The following CORO7 variants were observed in gnomAD, a reference collection of about 807,000 sequenced individuals.
CORO7 encodes the protein coronin-7.
In CORO7, 107 loss-of-function variants were observed where a neutral mutation model predicts 126.6. The ratio of observed to expected loss-of-function variants is 0.85; its 90% CI spans 0.72 to 0.99. CORO7 has a LOEUF of 0.99. Among genes scored for constraint, CORO7 ranks in the 50% least tolerant of loss-of-function variants. The pLI is 0.00. For missense variants in CORO7, 1,314 were observed against 1,255.8 expected, an observed-to-expected ratio of 1.05 and a Z score of -0.70; for synonymous variants, 603 against 536.8, an observed-to-expected ratio of 1.12 and a Z score of -1.70.
At chr16:4,405,682 T>A in intron 5 of CORO7, 115 bp from the exon 6 acceptor site, 1 of 1,273,650 alleles carries the variant, frequency 7.9e-7, no homozygotes, top group Non-Finnish European at 1.1e-6. Context: ...ACGAGGGTCC[T>A]TTTCAGCCAA....
chr16:4,413,468 A>G (rs1418253587), intron 1 of CORO7, 64 bp from the exon 2 acceptor site: 17 of 1,465,186 alleles, frequency 1.2e-5, no homozygotes, highest in Non-Finnish European at 1.6e-5. Context: ...GCATGCCTAA[A>G]GCAAGAGGTG....
intron 2 of CORO7, 101 bp downstream of exon 2, chr16:4,413,207 A>T: frequency 7.9e-7 from 1 of 1,272,990 alleles, no homozygotes; most frequent in Non-Finnish European, 1.1e-6. Flanking sequence ...GTTCCGTTCC[A>T]AGTCTCCAAA....
intron 1 of CORO7, among the ~76,000 whole-genome samples, chr16:4,413,846 T>G (rs1196720427): frequency 1.3e-5 from 2 of 151,086 alleles, no homozygotes; most frequent in African/African-American, 4.9e-5. Context: ...CCGTGTTGTG[T>G]TACTTCAAAT....
At chr16:4,415,239 T>G (rs1028558240) in intron 1 of CORO7, among the ~76,000 whole-genome samples, 1 of 152,138 alleles carries the variant, frequency 6.6e-6, no homozygotes, top group African/African-American at 2.4e-5. Context: ...GCAGGACCAC[T>G]CTGGACTCAT....
rs58167321 is a variant in CORO7 at position 4,401,911 on chromosome 16, C to CTT, written c.564+3578_564+3579dup. On this transcript the variant is annotated intron_variant, in intron 6 of 27. Transcript: ENST00000251166. ...GAGCCCCCTATGGTTTCTTTTTTTCCTTTTTTTTTTTTTTTGAGGTTTTAG... is the reference window on the plus strand; with the variant it reads ...GAGCCCCCTATGGTTTCTTTTTTTCCTTTTTTTTTTTTTTTTTGAGGTTTTAG... 5.4e-3 allele frequency among the ~76,000 whole-genome samples: 761 copies of CTT among 139,870 alleles called. 3 individuals are homozygous for CTT. The highest frequency in any genetic ancestry group is 7.8e-3 in the Middle Eastern group (2 of 256). 91.8% of individuals were successfully genotyped at this position (139,870 alleles called of 152,430 possible).
chr16:4,388,121 CG>C (rs1208076654), intron 8 of CORO7, 53 bp from the exon 9 acceptor site: 2 of 1,566,572 alleles, frequency 1.3e-6, no homozygotes, highest in Non-Finnish European at 8.7e-7. Context: ...CAGCCCCACC[CG>C]GGGGGCTCCC....
At position 4,358,043 on chromosome 16, in the gene CORO7, T is replaced by C. The variant is rs753208669; in HGVS notation, c.2518A>G (p.Ser840Gly). Reference sequence around the variant, plus strand: ...GCGCCTTGCAGCCAGGCCTCGGCACTGAGCACAGGCTCCCAGATCACAGCC... The same window carrying C: ...GCGCCTTGCAGCCAGGCCTCGGCACCGAGCACAGGCTCCCAGATCACAGCC... ...DTAVIWEPVL[S>G]AEAWLQGANG... Residue 840 changes from serine (S) to glycine (G), a missense_variant, in exon 25 of 28, where the codon AGT becomes GGT. Ser to Gly is a moderately conservative substitution (Grantham distance 56). Transcript: ENST00000251166. The C allele has an allele frequency of 1.2e-6, 2 of 1,613,436 alleles. No homozygotes were observed. The highest frequency in any genetic ancestry group is 1.1e-5 in the South Asian group (1 of 91,086).
rs1027885261 is a variant in CORO7, at chr16:4,362,138, A to G, written c.1425T>C (p.His475=). Residue 475 remains histidine, a synonymous_variant, in exon 16 of 28, where the codon CAT becomes CAC. Transcript: ENST00000251166. The surrounding 1 kb of genome is among the most constrained non-coding windows in gnomAD (Gnocchi z 5.3). ...SLLGPSSKFR[H]AQGTVLHRDS... Reference sequence around the variant, plus strand: ...CTCGGTGCAGGACAGTGCCCTGAGCATGGCGGAACTTGGAACTGGGGCCTG... The same window carrying G: ...CTCGGTGCAGGACAGTGCCCTGAGCGTGGCGGAACTTGGAACTGGGGCCTG... 2 of 1,607,778 alleles carry G rather than the reference A, an allele frequency of 1.2e-6. No individual in the cohort carries two copies. Among genetic ancestry groups the G allele is most frequent in the East Asian group, 2.2e-5 (1 of 44,776 alleles).
In CORO7 at chr16:4,364,273, T is replaced by G; in HGVS notation, c.1275+3A>C. 6.5e-7 allele frequency: 1 copy of G among 1,531,130 alleles called. No individual in the cohort carries two copies. Among genetic ancestry groups the G allele is most frequent in the Non-Finnish European group, 8.8e-7 (1 of 1,142,086 alleles). 94.8% of individuals were successfully genotyped at this position (1,531,130 alleles called of 1,614,324 possible). A position where few individuals can be genotyped will look rare whatever the true frequency, so the allele number is the denominator to read the frequency against. The stretch of plus-strand genomic sequence containing the variant: ...GGAGGATGGGGGCGGCCCTGGTACT[T>G]ACGCTTGCGTCTGCATCACCCACGG... On this transcript the variant is annotated splice_donor_region_variant and intron_variant, in intron 14 of 27. Coordinates refer to ENST00000251166, the MANE Select transcript of CORO7 (RefSeq NM_024535.5).
chr16:4,391,052 C>A (rs2055369152), intron 7 of CORO7, among the ~76,000 whole-genome samples: 1 of 152,210 alleles, frequency 6.6e-6, no homozygotes, highest in Non-Finnish European at 1.5e-5. Flanking sequence ...CCACAGGAAG[C>A]CCCCAGGTGA....
At chr16:4,390,448 T>C (rs1458872659) in intron 7 of CORO7, among the ~76,000 whole-genome samples, 2 of 152,190 alleles carry the variant, frequency 1.3e-5, no homozygotes, top group Admixed American at 6.5e-5. Flanking sequence ...ACCGCCAGAC[T>C]GTAAGTGAGG....
At position 4,408,196 on chromosome 16, in the gene CORO7, G is replaced by A; in HGVS notation, c.288C>T (p.Gly96=). 1 of 1,614,228 alleles carries A rather than the reference G, an allele frequency of 6.2e-7. No individual in the cohort carries two copies. Among genetic ancestry groups the A allele is most frequent in the Non-Finnish European group, 8.5e-7 (1 of 1,180,044 alleles). The change falls in exon 4 of 28, where the codon GGC becomes GGT. Residue 96 remains glycine, a synonymous_variant. Transcript: ENST00000251166. The stretch of plus-strand genomic sequence containing the variant: ...CTCCACTCACCGTCCTGTCAGCCGA[G>A]CCTGTGGCCAGGAGGAAGTCATCAA... The part of the protein sequence containing the change: ...SPFDDFLLAT[G]SADRTVKLWR...
At position 4,358,001 on chromosome 16, in the gene CORO7, G is replaced by A. The variant is rs139084024; in HGVS notation, c.2560C>T (p.Leu854Phe). The A allele has an allele frequency of 3.3e-4, 532 of 1,611,620 alleles. 2 individuals are homozygous for A. The highest frequency in any genetic ancestry group is 3.2e-3 in the African/African-American group (243 of 75,036). Residue 854 changes from leucine (L) to phenylalanine (F), a missense_variant, in exon 25 of 28, where the codon CTT becomes TTT. Leu to Phe is a conservative substitution (Grantham distance 22). Transcript: ENST00000251166. Reference sequence around the variant, plus strand: ...ATGTCAGGAGGCTGCAGGCTGAGAAGCCAGGGCTGCCCATTAGCGCCTTGC... The same window carrying A: ...ATGTCAGGAGGCTGCAGGCTGAGAAACCAGGGCTGCCCATTAGCGCCTTGC... ...WLQGANGQPW[L>F]LSLQPPDMSP...
At position 4,388,076 on chromosome 16, in the gene CORO7, G is replaced by C. The variant is rs767255944; in HGVS notation, c.703-8C>G. ...CACTTCGCGCTCACGCATCTGCAGG[G>C]AGGGCGAGAGAGGGGCTCAGAGGGG... On this transcript the variant is annotated splice_region_variant and splice_polypyrimidine_tract_variant and intron_variant, in intron 8 of 27. Transcript: ENST00000251166. 1 of 1,608,582 alleles carries C rather than the reference G, an allele frequency of 6.2e-7. No homozygotes were observed. Among genetic ancestry groups the C allele is most frequent in the East Asian group, 2.2e-5 (1 of 44,602 alleles).
At chr16:4,385,774 C>T (rs779536344) in intron 9 of CORO7, among the ~76,000 whole-genome samples, 9 of 152,234 alleles carry the variant, frequency 5.9e-5, no homozygotes, top group Non-Finnish European at 1.2e-4. Flanking sequence ...GGGACCACAG[C>T]GGAGGCCCCT....
chr16:4,398,494 C>T (rs979499107), intron 6 of CORO7, among the ~76,000 whole-genome samples: 1 of 151,816 alleles, frequency 6.6e-6, no homozygotes, highest in Non-Finnish European at 1.5e-5. Context: ...GGTGAAACCC[C>T]GTCTCTACTA....
chr16:4,379,724 G>A (rs1333956648), intron 9 of CORO7, among the ~76,000 whole-genome samples: 1 of 151,910 alleles, frequency 6.6e-6, no homozygotes, highest in East Asian at 1.9e-4. Context: ...CTTTCTTGGT[G>A]CCCAGCTCAG....
intron 9 of CORO7, among the ~76,000 whole-genome samples, chr16:4,379,273 G>T (rs2054866694): frequency 6.6e-6 from 1 of 152,108 alleles, no homozygotes; most frequent in Non-Finnish European, 1.5e-5. Flanking sequence ...TCCTGGGGAT[G>T]GGCTGGCACC....
chr16:4,371,966 C>G (rs2054547770), intron 9 of CORO7: 1 of 152,656 alleles, frequency 6.6e-6, no homozygotes, highest in Non-Finnish European at 1.5e-5. Flanking sequence ...CTGCCCCGCC[C>G]GGCTCCCTGC....
Sources: allele counts gnomAD v4.1 joint callset (sites outside exome capture counted in the v4.1 genomes callset), GRCh38; gene constraint gnomAD v4.1.1; non-coding constraint Gnocchi (gnomAD v3.1); transcripts MANE v1.5; gene names NCBI Gene and HGNC (gene_info 2026-07-23, HGNC 2026-07-21).